The following PHF20 variants were observed in gnomAD, a reference collection of about 807,000 sequenced individuals.
PHF20 encodes glioma-expressed antigen 2.
PHF20 carries 23 observed loss-of-function variants against 113.5 expected under a neutral mutation model. That is an observed-to-expected ratio of 0.20 (90% CI 0.15 to 0.29). The LOEUF (loss-of-function observed/expected upper bound fraction) is 0.29. PHF20 is among the 10% of genes least tolerant of loss of function. The pLI, the probability that PHF20 is intolerant of heterozygous loss-of-function variation, is 1.00. For missense variants in PHF20, 943 were observed against 1,219.6 expected, an observed-to-expected ratio of 0.77 and a Z score of 3.38; for synonymous variants, 434 against 457.3, an observed-to-expected ratio of 0.95 and a Z score of 0.65.
chr20:35,866,230 A>T (rs1482389082), intron 6 of PHF20, among the ~76,000 whole-genome samples: 4 of 152,012 alleles, frequency 2.6e-5, no homozygotes, highest in Admixed American at 6.6e-5. Context: ...AAAATAATAA[A>T]ATAAAATAAA....
chr20:35,827,874 C>G (rs1385043309), intron 2 of PHF20, among the ~76,000 whole-genome samples: 2 of 151,562 alleles, frequency 1.3e-5, no homozygotes, highest in Non-Finnish European at 2.9e-5. Flanking sequence ...CCTAGTCATT[C>G]TCTTTGAGGC....
chr20:35,897,930 C>T (rs959019498), intron 9 of PHF20, among the ~76,000 whole-genome samples: 3 of 151,150 alleles, frequency 2.0e-5, no homozygotes, highest in South Asian at 2.1e-4. Flanking sequence ...GGCTGTAGTG[C>T]GGTGGTGTGA....
At chr20:35,820,301 G>A (rs567319623) in intron 2 of PHF20, among the ~76,000 whole-genome samples, 12 of 152,272 alleles carry the variant, frequency 7.9e-5, no homozygotes, top group Non-Finnish European at 1.6e-4. Flanking sequence ...GCTAGATGCT[G>A]GAGAAATAGT....
intron 13 of PHF20, among the ~76,000 whole-genome samples, chr20:35,919,886 G>C (rs954725412): frequency 6.6e-6 from 1 of 152,072 alleles, no homozygotes; most frequent in African/African-American, 2.4e-5. Flanking sequence ...TCCTCTGCTG[G>C]TCTTCCTCCC....
chr20:35,823,586 C>T lies in PHF20; in HGVS notation c.84-18987C>T, dbSNP rs1317821655. ...AGGCTGCAGCAAGCTGTGATTGTAC[C>T]GCTGCACTCCAACTCCAGCCTGTGT... On this transcript the variant is annotated intron_variant, in intron 2 of 17. Transcript: ENST00000374012. Among the ~76,000 whole-genome samples the T allele has an allele frequency of 4.8e-5, 7 of 145,998 alleles. No individual in the cohort carries two copies. In the East Asian group the frequency reaches 1.0e-3, roughly 21 times the overall value.
intron 2 of PHF20, among the ~76,000 whole-genome samples, chr20:35,803,392 C>T (rs528833513): frequency 1.8e-4 from 27 of 148,906 alleles, no homozygotes; most frequent in Non-Finnish European, 3.7e-4. Flanking sequence ...GGCGTGATCT[C>T]GGCTCACTGC....
chr20:35,947,923 CTGA>C lies in PHF20; in HGVS notation c.*301_*303del, dbSNP rs1222415143. On this transcript the variant is annotated 3_prime_UTR_variant, in exon 18 of 18. Coordinates refer to ENST00000374012, the MANE Select transcript of PHF20 (RefSeq NM_016436.5). ...ACAAACTTCACTTGAAATTGTGCCA[CTGA>C]TGATAAACGGAATGAGAGCCAAAAA... 7.2e-6 allele frequency: 2 copies of C among 279,556 alleles called. No homozygotes were observed. Among genetic ancestry groups the C allele is most frequent in the African/African-American group, 4.3e-5 (2 of 46,558 alleles). 17.3% of individuals were successfully genotyped at this position (279,556 alleles called of 1,614,324 possible). A position where few individuals can be genotyped will look rare whatever the true frequency, so the allele number is the denominator to read the frequency against.
At chr20:35,933,588 A>C (rs1016924399) in intron 15 of PHF20, among the ~76,000 whole-genome samples, 14 of 151,990 alleles carry the variant, frequency 9.2e-5, no homozygotes, top group Non-Finnish European at 2.1e-4. Context: ...TAGTAGATAC[A>C]GTGTTTCACC....
At chr20:35,860,325 C>T (rs1421832223) in intron 5 of PHF20, among the ~76,000 whole-genome samples, 1 of 150,804 alleles carries the variant, frequency 6.6e-6, no homozygotes, top group African/African-American at 2.4e-5. Flanking sequence ...ACTGTAAACT[C>T]CACCTCCCGG....
chr20:35,799,702 C>T (rs1274055521), intron 1 of PHF20, among the ~76,000 whole-genome samples: 1 of 151,800 alleles, frequency 6.6e-6, no homozygotes, highest in East Asian at 1.9e-4. Flanking sequence ...GAGTCTTGCT[C>T]TGTCACCCAG....
intron 2 of PHF20, among the ~76,000 whole-genome samples, chr20:35,819,954 T>C (rs1320094101): frequency 6.6e-6 from 1 of 152,138 alleles, no homozygotes. Flanking sequence ...TTTAATCCTT[T>C]AGATGCTATG....
rs192921318 is a variant in PHF20 at position 35,822,895 on chromosome 20, T to G, written c.84-19678T>G. ...AAAAGAATGTATCAAGTTCCCATAT[T>G]CCTGTGTTCTCCCTCCAGCCTCCCC... On this transcript the variant is annotated intron_variant, in intron 2 of 17. Coordinates refer to ENST00000374012, the MANE Select transcript of PHF20 (RefSeq NM_016436.5). Among the ~76,000 whole-genome samples, 311 of 149,346 alleles carry G rather than the reference T, an allele frequency of 2.1e-3. 1 individual carries two copies. The highest frequency in any genetic ancestry group is 7.4e-3 in the African/African-American group (302 of 40,744).
chr20:35,795,721 C>T (rs1052210776), intron 1 of PHF20, among the ~76,000 whole-genome samples: 2 of 152,058 alleles, frequency 1.3e-5, no homozygotes, highest in African/African-American at 2.4e-5. Context: ...GACTGAGGTT[C>T]GATTGCTGGC....
intron 6 of PHF20, among the ~76,000 whole-genome samples, chr20:35,865,066 C>T (rs1214137383): frequency 6.6e-6 from 1 of 151,808 alleles, no homozygotes; most frequent in Non-Finnish European, 1.5e-5. Flanking sequence ...GTGGTGGGTG[C>T]CTGTAATCCC....
chr20:35,889,929 A>G (rs539969349), intron 9 of PHF20, among the ~76,000 whole-genome samples: 33 of 151,932 alleles, frequency 2.2e-4, no homozygotes, highest in African/African-American at 8.0e-4. Flanking sequence ...GGGTTTCCTC[A>G]TGTTGTCCAG....
intron 2 of PHF20, among the ~76,000 whole-genome samples, chr20:35,808,706 G>C (rs528262582): frequency 6.6e-6 from 1 of 151,898 alleles, no homozygotes; most frequent in South Asian, 2.1e-4. Flanking sequence ...CCGAGTAGCT[G>C]GGACTACAGG....
chr20:35,825,221 G>A (rs574735095), intron 2 of PHF20, among the ~76,000 whole-genome samples: 3 of 152,262 alleles, frequency 2.0e-5, no homozygotes, highest in South Asian at 2.1e-4. Flanking sequence ...GGGAGTCTTG[G>A]TATTGGCCCA....
intron 1 of PHF20, among the ~76,000 whole-genome samples, chr20:35,792,855 C>A (rs914943281): frequency 6.6e-6 from 1 of 152,124 alleles, no homozygotes; most frequent in Non-Finnish European, 1.5e-5. Context: ...TTCACAACAA[C>A]CCTAGGAAAT....
chr20:35,819,754 A>G (rs376446827), intron 2 of PHF20, among the ~76,000 whole-genome samples: 1 of 152,170 alleles, frequency 6.6e-6, no homozygotes, highest in East Asian at 1.9e-4. Context: ...AGGTGCTATG[A>G]AATGAAGGAA....
Sources: gnomAD v4.1 joint callset for allele counts (sites outside exome capture counted in the v4.1 genomes callset) on GRCh38, gnomAD v4.1.1 for gene constraint, MANE v1.5 for transcripts, NCBI Gene and HGNC (gene_info 2026-07-23, HGNC 2026-07-21) for gene names.